The following PDE3A variants were observed in gnomAD, a reference collection of about 807,000 sequenced individuals.
PDE3A encodes cGMP-inhibited 3',5'-cyclic phosphodiesterase 3A.
In PDE3A, 43 loss-of-function variants were observed where a neutral mutation model predicts 98.3. That is an observed-to-expected ratio of 0.44 (90% CI 0.34 to 0.56). The LOEUF (loss-of-function observed/expected upper bound fraction) is 0.56. Ranked by LOEUF, PDE3A falls within the 20% of genes least tolerant of loss-of-function variation. PDE3A has a pLI of 0.01. For missense variants in PDE3A, 1,427 were observed against 1,440.7 expected, an observed-to-expected ratio of 0.99 and a Z score of 0.15; for synonymous variants, 663 against 567.9, an observed-to-expected ratio of 1.17 and a Z score of -2.38.
At chr12:20,633,268 A>G (rs544507475) in intron 6 of PDE3A, among the ~76,000 whole-genome samples, 69 of 152,244 alleles carry the variant, frequency 4.5e-4, no homozygotes, top group African/African-American at 1.5e-3. Flanking sequence ...CCTGGCCCAT[A>G]ATGAGGCTTT....
intron 1 of PDE3A, among the ~76,000 whole-genome samples, chr12:20,458,700 TTG>T (rs1945194551): frequency 6.6e-6 from 1 of 152,154 alleles, no homozygotes; most frequent in Non-Finnish European, 1.5e-5. Context: ...TTTGCTCTAC[TTG>T]TCTGGTAGAT....
At position 20,663,229 on chromosome 12, in the gene PDE3A, G is replaced by A. The variant is rs140293445; in HGVS notation, c.3184+9024G>A. ...GATGTCCTGGCAGAAGTTTGCTACA[G>A]GGGTGGAGCCCTCATGGAGAACCTC... On this transcript the variant is annotated intron_variant, in intron 15 of 15. Coordinates refer to ENST00000359062, the MANE Select transcript of PDE3A (RefSeq NM_000921.5). Among the ~76,000 whole-genome samples, 60 of 152,360 alleles carry A rather than the reference G, an allele frequency of 3.9e-4. 1 individual carries two copies. Among genetic ancestry groups the A allele is most frequent in the African/African-American group, 1.3e-3 (56 of 41,590 alleles).
chr12:20,496,539 A>AC (rs1945922359), intron 1 of PDE3A, among the ~76,000 whole-genome samples: 2 of 151,378 alleles, frequency 1.3e-5, no homozygotes, highest in African/African-American at 4.9e-5. Flanking sequence ...CCACCCCGCA[A>AC]CACCCCGAAT....
rs377752623 is a variant in PDE3A, at chr12:20,466,143, C to T, written c.961-90517C>T. 2.4e-4 allele frequency among the ~76,000 whole-genome samples: 36 copies of T among 152,250 alleles called. No homozygotes were observed. The South Asian group carries it at 7.5e-3, about 32-fold the overall frequency. On this transcript the variant is annotated intron_variant, in intron 1 of 15. Coordinates refer to ENST00000359062, the MANE Select transcript of PDE3A (RefSeq NM_000921.5). ...GAGTCCTGAGGCCCCACCCTTTGTC[C>T]AGTACACTGAACCGTGTTATGCAAC...
chr12:20,438,220 C>T (rs893960936), intron 1 of PDE3A, among the ~76,000 whole-genome samples: 4 of 152,110 alleles, frequency 2.6e-5, no homozygotes, highest in African/African-American at 7.2e-5. Flanking sequence ...TCCTAAGTAT[C>T]CACAGGTGTT....
At chr12:20,518,226 C>A (rs1364356459) in intron 1 of PDE3A, among the ~76,000 whole-genome samples, 2 of 152,076 alleles carry the variant, frequency 1.3e-5, no homozygotes, top group African/African-American at 4.8e-5. Context: ...GAGATCTTCT[C>A]AATATTCAAA....
intron 1 of PDE3A, among the ~76,000 whole-genome samples, chr12:20,540,064 G>T (rs1329828227): frequency 6.6e-6 from 1 of 152,048 alleles, no homozygotes; most frequent in African/African-American, 2.4e-5. Flanking sequence ...AACTGTAACA[G>T]GACTAGATTG....
At chr12:20,499,846 C>G (rs147565662) in intron 1 of PDE3A, among the ~76,000 whole-genome samples, 1 of 152,104 alleles carries the variant, frequency 6.6e-6, no homozygotes, top group Non-Finnish European at 1.5e-5. Context: ...TGAGTGGTAA[C>G]GAAGGTCAAA....
chr12:20,544,268 C>T (rs576526752), intron 1 of PDE3A, among the ~76,000 whole-genome samples: 2 of 150,906 alleles, frequency 1.3e-5, no homozygotes, highest in South Asian at 4.2e-4. Flanking sequence ...TGGGTGAATA[C>T]AGAAATGAAA....
At chr12:20,605,130 G>T (rs566916148) in intron 2 of PDE3A, among the ~76,000 whole-genome samples, 1 of 152,090 alleles carries the variant, frequency 6.6e-6, no homozygotes, top group Non-Finnish European at 1.5e-5. Context: ...TTTTCTGCAG[G>T]TGTCATTTCT....
intron 1 of PDE3A, among the ~76,000 whole-genome samples, chr12:20,386,070 A>AAATATATATAAAATATATAC (rs1565532446): frequency 2.7e-5 from 1 of 37,146 alleles, no homozygotes; most frequent in Non-Finnish European, 4.7e-5. Flanking sequence ...AAATATATAT[A>AAATATATATAAAATATATAC]AAATATATAT....
chr12:20,614,104 C>T (rs1392887784), intron 3 of PDE3A, among the ~76,000 whole-genome samples: 1 of 151,952 alleles, frequency 6.6e-6, no homozygotes, highest in African/African-American at 2.4e-5. Flanking sequence ...AGGTTCTTTA[C>T]TCTTTGATTC....
intron 8 of PDE3A, among the ~76,000 whole-genome samples, chr12:20,635,590 AAG>A (rs1944488923): frequency 1.4e-5 from 2 of 147,362 alleles, no homozygotes; most frequent in Non-Finnish European, 3.0e-5. Context: ...AAAAAAAAAA[AAG>A]AAAGAAAGAA....
At chr12:20,657,174 C>T (rs1028910966) in intron 15 of PDE3A, among the ~76,000 whole-genome samples, 1 of 151,992 alleles carries the variant, frequency 6.6e-6, no homozygotes, top group African/African-American at 2.4e-5. Flanking sequence ...AAATATTGGC[C>T]ACATAGAGTA....
At position 20,677,368 on chromosome 12, in the gene PDE3A, G is replaced by T. The variant is rs1945668059; in HGVS notation, c.3185-2662G>T. ...GCTGGAGGATTATTTTGTTCATTTGGAGGTGTCATATTTTCTTGCTTTTTC... is the reference window on the plus strand; with the variant it reads ...GCTGGAGGATTATTTTGTTCATTTGTAGGTGTCATATTTTCTTGCTTTTTC... On this transcript the variant is annotated intron_variant, in intron 15 of 15. Transcript: ENST00000359062. Among the ~76,000 whole-genome samples the T allele has an allele frequency of 2.0e-5, 3 of 152,072 alleles. No homozygotes were observed. In the South Asian group the frequency reaches 6.2e-4, roughly 31 times the overall value.
intron 1 of PDE3A, chr12:20,551,653 A>G (rs1217896190): frequency 5.0e-6 from 8 of 1,597,000 alleles, no homozygotes; most frequent in Non-Finnish European, 6.8e-6. Flanking sequence ...GGCCTTCCAC[A>G]TCTACTGCCT....
At chr12:20,602,528 T>C (rs924195836) in intron 2 of PDE3A, among the ~76,000 whole-genome samples, 2 of 152,158 alleles carry the variant, frequency 1.3e-5, no homozygotes, top group African/African-American at 2.4e-5. Context: ...TCCATCTCAT[T>C]TGGTGACTTG....
At chr12:20,435,261 G>T (rs7298584) in intron 1 of PDE3A, among the ~76,000 whole-genome samples, 1 of 152,062 alleles carries the variant, frequency 6.6e-6, no homozygotes, top group Non-Finnish European at 1.5e-5. Context: ...ACTAACATCA[G>T]TTATCTCTGA....
At chr12:20,434,810 G>A (rs1321033235) in intron 1 of PDE3A, among the ~76,000 whole-genome samples, 2 of 152,034 alleles carry the variant, frequency 1.3e-5, no homozygotes, top group African/African-American at 2.4e-5. Flanking sequence ...GTATAGAGTG[G>A]GATTTATTCC....
Sources: allele counts gnomAD v4.1 joint callset (sites outside exome capture counted in the v4.1 genomes callset), GRCh38; gene constraint gnomAD v4.1.1; transcripts MANE v1.5; gene names NCBI Gene and HGNC (gene_info 2026-07-23, HGNC 2026-07-21).